The following NFATC1 variants were observed in gnomAD, a reference collection of about 807,000 sequenced individuals.
NFATC1 encodes nuclear factor of activated T cells 1.
Under a neutral mutation model 76.0 loss-of-function variants are expected in NFATC1, and 22 were observed. That is an observed-to-expected ratio of 0.29 (90% confidence interval 0.21 to 0.41). NFATC1 has a LOEUF of 0.41. Among genes scored for constraint, NFATC1 ranks in the 10% least tolerant of loss-of-function variants. The probability of loss-of-function intolerance (pLI) is 1.00; values close to 1 mark genes in which losing one functional copy is unlikely to be tolerated. For synonymous variants in NFATC1, 704 were observed against 613.1 expected (o/e 1.15, Z -2.19); for missense variants, 1,357 against 1,337.7 (o/e 1.01, Z -0.23).
In NFATC1 at chr18:79,524,676, C is replaced by A. The variant is rs1486941844; in HGVS notation, c.2783-2852C>A. The stretch of plus-strand genomic sequence containing the variant: ...CCCTCCTCCCCTCCCGAGAGCTCAG[C>A]AGCCGCAGACCCAGGCAGAGAGAGC... On this transcript the variant is annotated intron_variant, in intron 9 of 9. Transcript: ENST00000427363. The surrounding 1 kb of genome is among the most constrained non-coding windows in gnomAD (Gnocchi z 7.2). Among the ~76,000 whole-genome samples the A allele has an allele frequency of 6.6e-6, 1 of 152,118 alleles. No homozygotes were observed. The highest frequency in any genetic ancestry group is 1.5e-5 in the Non-Finnish European group (1 of 67,990).
intron 6 of NFATC1, among the ~76,000 whole-genome samples, chr18:79,453,631 C>G (rs989118506): frequency 6.6e-6 from 1 of 152,226 alleles, no homozygotes; most frequent in Non-Finnish European, 1.5e-5. Flanking sequence ...CCTCTTGTCC[C>G]ATGAGGTCAG....
intron 8 of NFATC1, among the ~76,000 whole-genome samples, chr18:79,476,078 C>CT (rs546461698): frequency 4.4e-4 from 66 of 150,780 alleles, no homozygotes; most frequent in African/African-American, 1.5e-3. Flanking sequence ...GTTGAGAAAT[C>CT]TAAGGGCCAC....
intron 9 of NFATC1, among the ~76,000 whole-genome samples, chr18:79,502,096 A>G (rs2090026053): frequency 6.6e-6 from 1 of 152,222 alleles, no homozygotes; most frequent in Non-Finnish European, 1.5e-5. Flanking sequence ...TACACTTCGC[A>G]ATTTCAGAAC....
intron 9 of NFATC1, 31 bp from the exon 10 acceptor site, chr18:79,527,497 T>C: frequency 6.3e-7 from 1 of 1,590,366 alleles, no homozygotes; most frequent in Non-Finnish European, 8.6e-7. Flanking sequence ...GGTATTTCTC[T>C]AATACTTTCT....
intron 9 of NFATC1, among the ~76,000 whole-genome samples, chr18:79,507,798 C>T (rs1331886034): frequency 1.3e-5 from 2 of 152,282 alleles, no homozygotes; most frequent in African/African-American, 4.8e-5. Context: ...GCATTCGCAT[C>T]CGCAGTGCTT....
Position 79,486,438 on chromosome 18 carries a change from C to T in NFATC1, c.2283C>T (p.Ala761=). The T allele has an allele frequency of 1.2e-6, 2 of 1,612,188 alleles. No individual in the cohort carries two copies. Among genetic ancestry groups the T allele is most frequent in the Non-Finnish European group, 1.7e-6 (2 of 1,179,862 alleles). The part of the protein sequence containing the change: ...CPQRSTLMPA[A]PGVSPKLHDL... ...AGAGAAGCACCCTGATGCCAGCGGC[C>T]CCTGGCGTGAGCCCCAAGCTCCACG... Residue 761 remains alanine (A), a synonymous_variant, in exon 9 of 10, where the codon GCC becomes GCT. Coordinates refer to ENST00000427363, the MANE Select transcript of NFATC1 (RefSeq NM_001278669.2).
chr18:79,439,893 G>A (rs1326935642), intron 3 of NFATC1, among the ~76,000 whole-genome samples: 1 of 152,216 alleles, frequency 6.6e-6, no homozygotes, highest in Non-Finnish European at 1.5e-5. Context: ...GTGGAATGAG[G>A]TCGGCCCAGC....
At position 79,524,485 on chromosome 18, in the gene NFATC1, G is replaced by C. The variant is rs946089225; in HGVS notation, c.2783-3043G>C. On this transcript the variant is annotated intron_variant, in intron 9 of 9. Transcript: ENST00000427363. This position sits in a 1 kb window ranked among gnomAD's most constrained non-coding sequence, Gnocchi z 7.2. Reference sequence around the variant, plus strand: ...AGCGGGAAGGCCCTGGAGGGTGCCTGGGCTGTGTCTGGTCCCGGCCACGCG... The same window carrying C: ...AGCGGGAAGGCCCTGGAGGGTGCCTCGGCTGTGTCTGGTCCCGGCCACGCG... Among the ~76,000 whole-genome samples, 1 of 152,208 alleles carries C rather than the reference G, an allele frequency of 6.6e-6. No individual in the cohort carries two copies. The highest frequency in any genetic ancestry group is 2.1e-4 in the South Asian group (1 of 4,832).
At chr18:79,525,608 A>G (rs2090740939) in intron 9 of NFATC1, among the ~76,000 whole-genome samples, 1 of 152,048 alleles carries the variant, frequency 6.6e-6, no homozygotes, top group Non-Finnish European at 1.5e-5. Flanking sequence ...TCATGGCTTC[A>G]TTATTTCTTT....
At chr18:79,428,807 G>A (rs1163212286) in intron 2 of NFATC1, among the ~76,000 whole-genome samples, 1 of 152,022 alleles carries the variant, frequency 6.6e-6, no homozygotes, top group Non-Finnish European at 1.5e-5. Context: ...ACACCCTCTA[G>A]CCTAGGCAGC....
intron 9 of NFATC1, among the ~76,000 whole-genome samples, chr18:79,513,257 C>T (rs1416113781): frequency 1.3e-5 from 2 of 152,218 alleles, no homozygotes; most frequent in East Asian, 1.9e-4. Flanking sequence ...CCGGCCCCCA[C>T]CTGTAGGGTC....
intron 1 of NFATC1, among the ~76,000 whole-genome samples, chr18:79,405,785 G>A (rs958717100): frequency 6.6e-6 from 1 of 152,244 alleles, no homozygotes; most frequent in African/African-American, 2.4e-5. Flanking sequence ...GCTTTATGGT[G>A]TTTCTTTGCC....
intron 6 of NFATC1, among the ~76,000 whole-genome samples, chr18:79,452,376 C>T (rs912175098): frequency 4.6e-5 from 7 of 152,188 alleles, no homozygotes; most frequent in Non-Finnish European, 1.0e-4. Context: ...GTTGCGCTGG[C>T]CCAGCCTGGA....
intron 3 of NFATC1, among the ~76,000 whole-genome samples, chr18:79,447,222 C>T (rs568887123): frequency 6.6e-6 from 1 of 152,358 alleles, no homozygotes; most frequent in Admixed American, 6.5e-5. Flanking sequence ...CTGCCCGGGC[C>T]CCTCTAGCCC....
At chr18:79,398,890 A>C (rs1238557256) in intron 1 of NFATC1, among the ~76,000 whole-genome samples, 1 of 152,222 alleles carries the variant, frequency 6.6e-6, no homozygotes, top group Non-Finnish European at 1.5e-5. Context: ...AACATGGTGA[A>C]ACCCCGTCTC....
rs766203153 is a variant in NFATC1, at chr18:79,486,891, G to A, written c.2736G>A (p.Thr912=). ...GSPNLAPIPV[T]VKREPEELDQ... ...CTAATTTGGCCCCTATTCCTGTAAC[G>A]GTCAAGCGAGAGCCTGAAGAGTTGG... The change falls in exon 9 of 10, where the codon ACG becomes ACA. Residue 912 remains threonine, a synonymous_variant. Coordinates refer to ENST00000427363, the MANE Select transcript of NFATC1 (RefSeq NM_001278669.2). 8.1e-6 allele frequency: 13 copies of A among 1,609,172 alleles called. No homozygotes were observed. Among genetic ancestry groups the A allele is most frequent in the South Asian group, 4.4e-5 (4 of 90,634 alleles).
intron 9 of NFATC1, among the ~76,000 whole-genome samples, chr18:79,495,891 A>T (rs2089867510): frequency 1.3e-5 from 2 of 151,870 alleles, no homozygotes; most frequent in South Asian, 4.2e-4. Context: ...AACACAGGCA[A>T]GCCGTGAACA....
chr18:79,488,947 G>A (rs773517152), intron 9 of NFATC1, among the ~76,000 whole-genome samples: 1 of 152,162 alleles, frequency 6.6e-6, no homozygotes, highest in Admixed American at 6.5e-5. Context: ...GGTAGAGTTC[G>A]GGGTGGGACT....
chr18:79,452,544 C>T lies in NFATC1; in HGVS notation c.1903+728C>T, dbSNP rs541921232. On this transcript the variant is annotated intron_variant, in intron 6 of 9. Transcript: ENST00000427363. ...CCAGCCCAGGTCAGTTCCATGCAGA[C>T]GCCGGGCCCCAGCACTCTCATCCCA... 8.5e-5 allele frequency among the ~76,000 whole-genome samples: 13 copies of T among 152,300 alleles called. No homozygotes were observed. The South Asian group carries it at 2.5e-3, about 29-fold the overall frequency.
Sources: gnomAD v4.1 joint callset for allele counts (sites outside exome capture counted in the v4.1 genomes callset) on GRCh38, gnomAD v4.1.1 for gene constraint, Gnocchi (gnomAD v3.1) non-coding constraint, MANE v1.5 for transcripts, NCBI Gene and HGNC (gene_info 2026-07-23, HGNC 2026-07-21) for gene names.